The following N4BP1 variants were observed in gnomAD, a reference collection of about 807,000 sequenced individuals.
N4BP1 encodes the protein NEDD4 binding protein 1.
N4BP1 carries 21 observed loss-of-function variants against 70.9 expected under a neutral mutation model. That is an observed-to-expected ratio of 0.30 (90% CI 0.21 to 0.43). The LOEUF is 0.43. Ranked by LOEUF, N4BP1 falls within the 20% of genes least tolerant of loss-of-function variation. The probability of loss-of-function intolerance (pLI) is 1.00; values close to 1 mark genes in which losing one functional copy is unlikely to be tolerated. For missense variants in N4BP1, 936 were observed against 1,069.4 expected (o/e 0.88, Z 1.74); for synonymous variants, 387 against 394.6 (o/e 0.98, Z 0.23).
chr16:48,609,220 T>C (rs777954434), intron 1 of N4BP1, among the ~76,000 whole-genome samples: 15 of 152,138 alleles, frequency 9.9e-5, no homozygotes, highest in Non-Finnish European at 1.9e-4. Flanking sequence ...CTGTCTCAAA[T>C]AGAAAAAAAT....
chr16:48,605,101 T>G (rs1444206909), intron 1 of N4BP1, among the ~76,000 whole-genome samples: 1 of 152,038 alleles, frequency 6.6e-6, no homozygotes, highest in African/African-American at 2.4e-5. Flanking sequence ...AGCGTGATCT[T>G]GGTTCACCGC....
At chr16:48,551,983 A>T (rs1963673478) in intron 3 of N4BP1, among the ~76,000 whole-genome samples, 1 of 152,238 alleles carries the variant, frequency 6.6e-6, no homozygotes, top group East Asian at 1.9e-4. Flanking sequence ...GCACTGCTGC[A>T]CTCCAGCCTG....
intron 1 of N4BP1, among the ~76,000 whole-genome samples, chr16:48,598,052 C>G (rs926929570): frequency 1.3e-5 from 2 of 152,184 alleles, no homozygotes; most frequent in African/African-American, 4.8e-5. Context: ...CCAACTCCCT[C>G]TATAAATGCC....
At position 48,543,215 on chromosome 16, in the gene N4BP1, C is replaced by A; in HGVS notation, c.2380G>T (p.Asp794Tyr). The A allele has an allele frequency of 6.4e-7, 1 of 1,558,298 alleles. No individual in the cohort carries two copies. The highest frequency in any genetic ancestry group is 1.9e-5 in the Admixed American group (1 of 53,412). Reference protein sequence around the residue: ...LSALPNVGMFDPSFRVPGTQA... With the variant: ...LSALPNVGMFYPSFRVPGTQA... ...GTGCCAGGGACTCTGAAGCTGGGGT[C>A]AAACATGCCCACATTTGGCAGGGCA... is the stretch of plus-strand genomic sequence containing the variant. The change falls in exon 7 of 7, where the codon GAC becomes TAC. Residue 794 changes from aspartate to tyrosine, a missense_variant. This residue lies in a region of N4BP1 where 229 missense variants were observed against 343.5 expected (regional missense o/e 0.67). Transcript: ENST00000262384.
intron 1 of N4BP1, among the ~76,000 whole-genome samples, chr16:48,607,845 A>T (rs972647387): frequency 1.4e-5 from 2 of 147,728 alleles, no homozygotes; most frequent in Non-Finnish European, 3.0e-5. Context: ...CTATATCTAC[A>T]ATGCTGGCTT....
At chr16:48,570,739 G>A (rs897182498) in intron 1 of N4BP1, among the ~76,000 whole-genome samples, 2 of 152,136 alleles carry the variant, frequency 1.3e-5, no homozygotes, top group African/African-American at 2.4e-5. Context: ...CATTCTGCCC[G>A]GGTTTTACTG....
At chr16:48,551,335 G>A in intron 4 of N4BP1, 51 bp downstream of exon 4, 3 of 1,431,170 alleles carry the variant, frequency 2.1e-6, no homozygotes, top group South Asian at 2.3e-5. Context: ...GCAGGTGGCT[G>A]GCTCCTCACC....
In N4BP1 at chr16:48,546,343, A is replaced by G; in HGVS notation, c.2226-89T>C. The G allele has an allele frequency of 2.4e-6, 2 of 819,840 alleles. 1 individual carries two copies. Among genetic ancestry groups the G allele is most frequent in the South Asian group, 4.0e-5 (2 of 50,552 alleles). The allele number at this position is 819,840 out of a possible 1,614,324, so 50.8% of individuals were successfully genotyped here. The stretch of plus-strand genomic sequence containing the variant: ...ATCCCAAAGCAGCCACCTGATGCCA[A>G]AGCAACGGTCAGGTCAGCCTACAAA... On this transcript the variant is annotated intron_variant, in intron 5 of 6. Coordinates refer to ENST00000262384, the MANE Select transcript of N4BP1 (RefSeq NM_153029.4).
At chr16:48,557,271 C>T (rs1963769061) in intron 2 of N4BP1, among the ~76,000 whole-genome samples, 1 of 152,154 alleles carries the variant, frequency 6.6e-6, no homozygotes, top group African/African-American at 2.4e-5. Flanking sequence ...AATCAGTGAG[C>T]TTTAGTCAGC....
intron 2 of N4BP1, among the ~76,000 whole-genome samples, chr16:48,558,077 T>C (rs1446404880): frequency 6.6e-6 from 1 of 152,106 alleles, no homozygotes; most frequent in African/African-American, 2.4e-5. Context: ...TTCCAAAATG[T>C]TTGTCACTCC....
intron 1 of N4BP1, among the ~76,000 whole-genome samples, chr16:48,605,046 T>TC (rs1238880157): frequency 2.0e-5 from 3 of 152,076 alleles, no homozygotes; most frequent in African/African-American, 4.8e-5. Flanking sequence ...TTTTTTTTTT[T>TC]CTCAAGACAG....
intron 1 of N4BP1, among the ~76,000 whole-genome samples, chr16:48,583,690 T>C (rs906029592): frequency 6.6e-6 from 1 of 152,208 alleles, no homozygotes; most frequent in Non-Finnish European, 1.5e-5. Flanking sequence ...ATAAATAAAT[T>C]TGAAAACTTC....
chr16:48,588,462 T>G (rs1964281161), intron 1 of N4BP1, among the ~76,000 whole-genome samples: 1 of 151,940 alleles, frequency 6.6e-6, no homozygotes, highest in Non-Finnish European at 1.5e-5. Context: ...GCCTGGCTAA[T>G]TTTTGTATTT....
intron 1 of N4BP1, among the ~76,000 whole-genome samples, chr16:48,600,891 T>C (rs1964486738): frequency 6.6e-6 from 1 of 152,230 alleles, no homozygotes; most frequent in Admixed American, 6.5e-5. Context: ...AAGTGAATTG[T>C]GGATGTAAAA....
At chr16:48,559,473 GTTAAA>G (rs1963819593) in intron 2 of N4BP1, among the ~76,000 whole-genome samples, 2 of 152,154 alleles carry the variant, frequency 1.3e-5, no homozygotes, top group African/African-American at 4.8e-5. Flanking sequence ...AATCAATGGT[GTTAAA>G]TTAAATTAAA....
intron 2 of N4BP1, chr16:48,560,427 A>C (rs1244402732): frequency 4.9e-6 from 1 of 204,982 alleles, no homozygotes; most frequent in East Asian, 1.3e-4. Flanking sequence ...AGATTAGAAC[A>C]TAATGGTACT....
intron 1 of N4BP1, among the ~76,000 whole-genome samples, chr16:48,609,075 C>T (rs1301518421): frequency 6.7e-6 from 1 of 148,484 alleles, no homozygotes; most frequent in African/African-American, 2.5e-5. Context: ...ATGAGCCGGG[C>T]GTGGTGGCGC....
At chr16:48,590,746 C>G (rs2151098725) in intron 1 of N4BP1, among the ~76,000 whole-genome samples, 1 of 152,318 alleles carries the variant, frequency 6.6e-6, no homozygotes, top group Admixed American at 6.5e-5. Flanking sequence ...CAGTGAGTAT[C>G]CTAGGCGCTG....
At chr16:48,558,307 A>G (rs1347768086) in intron 2 of N4BP1, among the ~76,000 whole-genome samples, 2 of 130,306 alleles carry the variant, frequency 1.5e-5, no homozygotes, top group Non-Finnish European at 3.2e-5. Flanking sequence ...AAAAAAAAAA[A>G]AAGAAGAAAT....
Sources: gnomAD v4.1 joint callset for allele counts (sites outside exome capture counted in the v4.1 genomes callset) on GRCh38, gnomAD v4.1.1 for gene constraint, gnomAD v4.1.1 regional missense constraint, MANE v1.5 for transcripts, NCBI Gene and HGNC (gene_info 2026-07-23, HGNC 2026-07-21) for gene names.